Variants in RPS15 observed in about 807,000 individuals in gnomAD.
The protein encoded by RPS15 is small ribosomal subunit protein uS19.
In RPS15, 5 loss-of-function variants were observed where a neutral mutation model predicts 14.9. The observed-to-expected ratio is 0.34, with a 90% CI of 0.18 to 0.70. The LOEUF (loss-of-function observed/expected upper bound fraction) is 0.70. Ranked by LOEUF, RPS15 falls within the 30% of genes least tolerant of loss-of-function variation. The pLI is 0.65. For synonymous variants in RPS15, 103 were observed against 85.0 expected (o/e 1.21, Z -1.16); for missense variants, 102 against 204.2 (o/e 0.50, Z 3.05).
intron 2 of RPS15, 97 bp from the exon 3 acceptor site, chr19:1,439,922 C>T: frequency 9.8e-7 from 1 of 1,021,536 alleles, no homozygotes; most frequent in Non-Finnish European, 1.5e-6. Flanking sequence ...CGGCTCTGTC[C>T]CTGGAGAGAA....
Position 1,440,366 on chromosome 19 carries a change from C to T in RPS15, c.342C>T (p.His114=). The change falls in exon 4 of 4, where the codon CAC becomes CAT. Residue 114 remains histidine (H), a synonymous_variant. Coordinates refer to ENST00000592588, the MANE Select transcript of RPS15 (RefSeq NM_001018.5). The part of the protein sequence containing the change: ...QVEIKPEMIG[H]YLGEFSITYK... ...TCCCGCAGCCCGAGATGATCGGCCA[C>T]TACCTGGGCGAGTTCTCCATCACCT... The T allele has an allele frequency of 1.2e-6, 2 of 1,614,038 alleles. No individual in the cohort carries two copies.
rs780303538 is a variant in RPS15, at chr19:1,440,176, A to G, written c.247A>G (p.Met83Val). 3 of 1,612,820 alleles carry G rather than the reference A, an allele frequency of 1.9e-6. No homozygotes were observed. The highest frequency in any genetic ancestry group is 1.1e-5 in the South Asian group (1 of 90,596). The change falls in exon 3 of 4, where the codon ATG becomes GTG. Residue 83 changes from methionine (M) to valine (V), a missense_variant. By Grantham distance (21) the Met-to-Val change is conservative. Coordinates refer to ENST00000592588, the MANE Select transcript of RPS15 (RefSeq NM_001018.5). ...PEVVKTHLRD[M>V]IILPEMVGSM... ...AGTGGTGAAGACGCACCTGCGGGACATGATCATCCTACCCGAGATGGTGGG... is the reference window on the plus strand; with the variant it reads ...AGTGGTGAAGACGCACCTGCGGGACGTGATCATCCTACCCGAGATGGTGGG...
Position 1,438,514 on chromosome 19 carries a change from C to T in RPS15, c.3+86C>T, listed in dbSNP as rs1280107151. The T allele has an allele frequency of 5.6e-6, 9 of 1,607,938 alleles. No homozygotes were observed. The highest frequency in any genetic ancestry group is 5.0e-5 in the Admixed American group (3 of 59,528). On this transcript the variant is annotated intron_variant, in intron 1 of 3. Transcript: ENST00000592588. The surrounding 1 kb of genome is among the most constrained non-coding windows in gnomAD (Gnocchi z 4.8). ...CGTCTCGCGGGGGCCGCAGTTCGTCCCCGCGGCTACGGCGGCTTGCTCCCG... is the reference window on the plus strand; with the variant it reads ...CGTCTCGCGGGGGCCGCAGTTCGTCTCCGCGGCTACGGCGGCTTGCTCCCG...
chr19:1,439,202 G>C, intron 2 of RPS15: 1 of 364,534 alleles, frequency 2.7e-6, no homozygotes, highest in Non-Finnish European at 4.9e-6. Context: ...AAGGGCGGTG[G>C]AGGTCGCTGG....
intron 2 of RPS15, 175 bp from the exon 3 acceptor site, chr19:1,439,844 G>A (rs1055570274): frequency 1.5e-6 from 1 of 657,056 alleles, no homozygotes; most frequent in Non-Finnish European, 2.8e-6. Flanking sequence ...GCGCATATCT[G>A]GCGGGGGTGC....
chr19:1,438,969 G>C lies in RPS15; in HGVS notation c.89+77G>C. ...TGTCCGGGTGAGGGCGGCGGGGCGG[G>C]GGTCCAAGCGCCTCTGCGGCGGTGG... On this transcript the variant is annotated intron_variant, in intron 2 of 3. Transcript: ENST00000592588. This position sits in a 1 kb window ranked among gnomAD's most constrained non-coding sequence, Gnocchi z 4.8. The C allele has an allele frequency of 7.8e-7, 1 of 1,284,538 alleles. No homozygotes were observed. The highest frequency in any genetic ancestry group is 1.1e-6 in the Non-Finnish European group (1 of 917,448). 79.6% of individuals were successfully genotyped at this position (1,284,538 alleles called of 1,614,324 possible).
intron 2 of RPS15, chr19:1,439,631 G>C: frequency 2.0e-6 from 1 of 510,868 alleles, no homozygotes; most frequent in East Asian, 3.4e-5. Flanking sequence ...CTGGGCTCAA[G>C]CGACCCTCCC....
chr19:1,439,728 C>G (rs2083638055), intron 2 of RPS15: 3 of 595,284 alleles, frequency 5.0e-6, no homozygotes, highest in African/African-American at 3.7e-5. Context: ...GCCTTTGGCC[C>G]GAGCTGTACG....
At position 1,438,634 on chromosome 19, in the gene RPS15, G is replaced by A. The variant is rs1467093577; in HGVS notation, c.4-173G>A. On this transcript the variant is annotated intron_variant, in intron 1 of 3. Coordinates refer to ENST00000592588, the MANE Select transcript of RPS15 (RefSeq NM_001018.5). This position sits in a 1 kb window ranked among gnomAD's most constrained non-coding sequence, Gnocchi z 4.8. ...AAGGCCTGTCCGGGCCTTCATGTCC[G>A]GGTCCTCGTAACCCGGAGCCGCGAG... The A allele has an allele frequency of 2.0e-6, 3 of 1,532,796 alleles. No individual in the cohort carries two copies. The highest frequency in any genetic ancestry group is 4.9e-5 in the East Asian group (2 of 40,632). 94.9% of individuals were successfully genotyped at this position (1,532,796 alleles called of 1,614,324 possible). A position where few individuals can be genotyped will look rare whatever the true frequency, so the allele number is the denominator to read the frequency against.
In RPS15 at chr19:1,438,760, G is replaced by C; in HGVS notation, c.4-47G>C. ...GTGTCCTCGGGCCCGGTGGCCCCGG[G>C]AGATGGGTGTCGGGATCCCGCTGAC... On this transcript the variant is annotated intron_variant, in intron 1 of 3. Coordinates refer to ENST00000592588, the MANE Select transcript of RPS15 (RefSeq NM_001018.5). The surrounding 1 kb of genome is among the most constrained non-coding windows in gnomAD (Gnocchi z 4.8). 1 of 1,558,890 alleles carries C rather than the reference G, an allele frequency of 6.4e-7. No individual in the cohort carries two copies. Among genetic ancestry groups the C allele is most frequent in the East Asian group, 2.4e-5 (1 of 41,550 alleles).
At chr19:1,440,322 C>T (rs1418751695) in intron 3 of RPS15, 27 bp from the exon 4 acceptor site, 1 of 1,611,598 alleles carries the variant, frequency 6.2e-7, no homozygotes, top group Non-Finnish European at 8.5e-7. Flanking sequence ...TCAGCTGACA[C>T]CCAGCTTTGC....
intron 2 of RPS15, 58 bp from the exon 3 acceptor site, chr19:1,439,961 T>A (rs1031745143): frequency 1.5e-6 from 2 of 1,373,184 alleles, no homozygotes; most frequent in African/African-American, 2.9e-5. Context: ...TCCGCCGGAG[T>A]GCGTAGGGTC....
chr19:1,438,484 C>G lies in RPS15; in HGVS notation c.3+56C>G, dbSNP rs1257186454. ...GGGCCTATCCGGCTCCATCCAACCT[C>G]TGACCGTCTCGCGGGGGCCGCAGTT... On this transcript the variant is annotated intron_variant, in intron 1 of 3. Coordinates refer to ENST00000592588, the MANE Select transcript of RPS15 (RefSeq NM_001018.5). The surrounding 1 kb of genome is among the most constrained non-coding windows in gnomAD (Gnocchi z 4.8). 6.2e-7 allele frequency: 1 copy of G among 1,612,752 alleles called. No homozygotes were observed. The highest frequency in any genetic ancestry group is 8.5e-7 in the Non-Finnish European group (1 of 1,179,762).
At chr19:1,439,891 T>G (rs2091685376) in intron 2 of RPS15, 128 bp from the exon 3 acceptor site, 1 of 794,536 alleles carries the variant, frequency 1.3e-6, no homozygotes, top group Non-Finnish European at 2.1e-6. Flanking sequence ...GTCACTACAA[T>G]GGACAGTGAC....
At position 1,438,662 on chromosome 19, in the gene RPS15, A is replaced by G; in HGVS notation, c.4-145A>G. ...TCCTCGTAACCCGGAGCCGCGAGTG[A>G]TCCCCGGGGACGGGTCGAAGCGGTG... On this transcript the variant is annotated intron_variant, in intron 1 of 3. Coordinates refer to ENST00000592588, the MANE Select transcript of RPS15 (RefSeq NM_001018.5). The surrounding 1 kb of genome is among the most constrained non-coding windows in gnomAD (Gnocchi z 4.8). 2 of 1,531,564 alleles carry G rather than the reference A, an allele frequency of 1.3e-6. No individual in the cohort carries two copies. The highest frequency in any genetic ancestry group is 1.8e-6 in the Non-Finnish European group (2 of 1,133,416). 94.9% of individuals were successfully genotyped at this position (1,531,564 alleles called of 1,614,324 possible). A position where few individuals can be genotyped will look rare whatever the true frequency, so the allele number is the denominator to read the frequency against.
In RPS15 at chr19:1,438,620, G is replaced by C; in HGVS notation, c.4-187G>C. ...GACGCGGGGCTGGGAAGGCCTGTCC[G>C]GGCCTTCATGTCCGGGTCCTCGTAA... On this transcript the variant is annotated intron_variant, in intron 1 of 3. Transcript: ENST00000592588. The surrounding 1 kb of genome is among the most constrained non-coding windows in gnomAD (Gnocchi z 4.8). 2.6e-6 allele frequency: 4 copies of C among 1,533,898 alleles called. No homozygotes were observed. The highest frequency in any genetic ancestry group is 3.5e-6 in the Non-Finnish European group (4 of 1,136,320).
In RPS15 at chr19:1,439,305, C is replaced by T. The variant is rs2083634439; in HGVS notation, c.89+413C>T. The T allele has an allele frequency of 2.7e-5, 5 of 188,470 alleles. No individual in the cohort carries two copies. The South Asian group carries it at 4.0e-4, about 15-fold the overall frequency. The allele number at this position is 188,470 out of a possible 1,614,324, so 11.7% of individuals were successfully genotyped here. On this transcript the variant is annotated intron_variant, in intron 2 of 3. Coordinates refer to ENST00000592588, the MANE Select transcript of RPS15 (RefSeq NM_001018.5). ...TGAGGCGGAGTCTCATCCTGTCGCC[C>T]AGGCTGGAGTGCAATGGCTCCGTCC...
At chr19:1,439,076 T>C in intron 2 of RPS15, 184 bp downstream of exon 2, 1 of 572,078 alleles carries the variant, frequency 1.7e-6, no homozygotes. Flanking sequence ...AGGTTTTTGC[T>C]TATTTGCAAC....
chr19:1,440,265 C>A lies in RPS15; in HGVS notation c.324+12C>A, dbSNP rs758441363. 7.4e-6 allele frequency: 12 copies of A among 1,611,518 alleles called. No homozygotes were observed. The African/African-American group carries it at 1.3e-4, about 18-fold the overall frequency. ...AGGTGGAGATCAAGGTGTGTGCGGC[C>A]GTCCCTGCCGGCTGGGGTGGGCTGG... On this transcript the variant is annotated intron_variant, in intron 3 of 3. Coordinates refer to ENST00000592588, the MANE Select transcript of RPS15 (RefSeq NM_001018.5).
Sources: allele counts gnomAD v4.1 joint callset, GRCh38; gene constraint gnomAD v4.1.1; non-coding constraint Gnocchi (gnomAD v3.1); transcripts MANE v1.5; gene names NCBI Gene and HGNC (gene_info 2026-07-23, HGNC 2026-07-21).